AFG1L: variants seen among roughly 807,000 people sequenced by gnomAD.
AFG1L encodes AFG1 like ATPase.
AFG1L carries 53 observed loss-of-function variants against 62.2 expected under a neutral mutation model. That is an observed-to-expected ratio of 0.85 (90% CI 0.68 to 1.07). The LOEUF (loss-of-function observed/expected upper bound fraction) is 1.07. Among genes scored for constraint, AFG1L ranks in the 50% least tolerant of loss-of-function variants. The pLI is 0.00. For missense variants in AFG1L, 555 were observed against 590.5 expected, an observed-to-expected ratio of 0.94 and a Z score of 0.62; for synonymous variants, 228 against 210.3, an observed-to-expected ratio of 1.08 and a Z score of -0.73.
intron 4 of AFG1L, among the ~76,000 whole-genome samples, chr6:108,356,234 T>C (rs1211287190): frequency 2.6e-5 from 4 of 152,190 alleles, no homozygotes; most frequent in South Asian, 4.1e-4. Context: ...CCTCTAATAC[T>C]TGTAGCATTT....
chr6:108,510,512 T>A (rs926504922), intron 11 of AFG1L, among the ~76,000 whole-genome samples, 160 bp downstream of exon 11: 29 of 152,196 alleles, frequency 1.9e-4, no homozygotes, highest in African/African-American at 7.0e-4. Context: ...ATTATTTACT[T>A]CTGAGGGTTG....
intron 2 of AFG1L, among the ~76,000 whole-genome samples, chr6:108,325,438 C>CTTT (rs60856309): frequency 3.5e-5 from 5 of 144,016 alleles, no homozygotes; most frequent in Non-Finnish European, 4.5e-5. Flanking sequence ...GCTGTTTTGC[C>CTTT]TTTTTTTTTT....
intron 1 of AFG1L, among the ~76,000 whole-genome samples, chr6:108,302,932 TC>T (rs922735870): frequency 6.7e-6 from 1 of 150,142 alleles, no homozygotes; most frequent in Admixed American, 6.6e-5. Context: ...TGTCAATAGC[TC>T]AAAAAAAAAA....
intron 1 of AFG1L, among the ~76,000 whole-genome samples, chr6:108,303,650 C>G (rs1777093629): frequency 6.6e-6 from 1 of 152,160 alleles, no homozygotes; most frequent in Admixed American, 6.6e-5. Context: ...TCTATCCATA[C>G]TCTTGACCAG....
chr6:108,323,506 C>T (rs1331597632), intron 1 of AFG1L, among the ~76,000 whole-genome samples: 2 of 152,042 alleles, frequency 1.3e-5, no homozygotes, highest in African/African-American at 4.8e-5. Flanking sequence ...GGATTACAAG[C>T]ATGCACCACC....
chr6:108,490,980 T>A (rs1351168514), intron 10 of AFG1L, among the ~76,000 whole-genome samples: 3 of 152,192 alleles, frequency 2.0e-5, no homozygotes, highest in Non-Finnish European at 4.4e-5. Context: ...CTCTTTTGCC[T>A]CCTGTTTAAC....
chr6:108,408,109 G>A (rs1019681738), intron 7 of AFG1L, among the ~76,000 whole-genome samples: 1 of 148,774 alleles, frequency 6.7e-6, no homozygotes, highest in African/African-American at 2.5e-5. Context: ...TGCAGATCAG[G>A]TTGATCTTTT....
intron 10 of AFG1L, among the ~76,000 whole-genome samples, chr6:108,503,073 TC>T (rs1307919261): frequency 1.3e-5 from 2 of 152,190 alleles, no homozygotes; most frequent in African/African-American, 4.8e-5. Flanking sequence ...TCTTGCCATA[TC>T]TCTCTACCAC....
intron 7 of AFG1L, among the ~76,000 whole-genome samples, chr6:108,414,922 G>A (rs570135465): frequency 3.9e-5 from 6 of 152,164 alleles, no homozygotes; most frequent in Non-Finnish European, 8.8e-5. Flanking sequence ...TCTGGCCAGG[G>A]CAATCAGGCA....
At chr6:108,307,754 G>A (rs1388006074) in intron 1 of AFG1L, among the ~76,000 whole-genome samples, 2 of 152,112 alleles carry the variant, frequency 1.3e-5, no homozygotes, top group Non-Finnish European at 2.9e-5. Flanking sequence ...AGTAGACAAG[G>A]CCAGTTTTCT....
intron 6 of AFG1L, among the ~76,000 whole-genome samples, chr6:108,393,750 A>G (rs1019349735): frequency 2.6e-5 from 4 of 152,208 alleles, no homozygotes; most frequent in African/African-American, 7.2e-5. Context: ...TCATTAGTGT[A>G]GTATCTTAGT....
intron 3 of AFG1L, 123 bp from the exon 4 acceptor site, chr6:108,355,531 G>A (rs1779239067): frequency 2.0e-6 from 1 of 490,098 alleles, no homozygotes; most frequent in Non-Finnish European, 3.5e-6. Flanking sequence ...CTAAAGAAGT[G>A]ACATAGTCTT....
chr6:108,300,120 G>T (rs570425634), intron 1 of AFG1L, among the ~76,000 whole-genome samples: 14 of 150,870 alleles, frequency 9.3e-5, no homozygotes, highest in African/African-American at 3.4e-4. Context: ...AATCTCTTTA[G>T]TATACATACA....
chr6:108,359,267 C>A lies in AFG1L; in HGVS notation c.648+2447C>A, dbSNP rs937770630. 2.0e-5 allele frequency: 3 copies of A among 151,934 alleles called. No individual in the cohort carries two copies. In the East Asian group the frequency reaches 5.8e-4, roughly 29 times the overall value. The allele number at this position is 151,934 out of a possible 1,614,324, so 9.4% of individuals were successfully genotyped here. On this transcript the variant is annotated intron_variant, in intron 5 of 12. Transcript: ENST00000368977. ...GACATACGCCATTGGGTTTAGATTTCGAAAGGTTGATATATAACTAGAAAG... is the reference window on the plus strand; with the variant it reads ...GACATACGCCATTGGGTTTAGATTTAGAAAGGTTGATATATAACTAGAAAG...
intron 2 of AFG1L, among the ~76,000 whole-genome samples, chr6:108,329,583 G>T (rs1452658793): frequency 6.6e-6 from 1 of 152,164 alleles, no homozygotes; most frequent in African/African-American, 2.4e-5. Flanking sequence ...ACAGATGTGA[G>T]CCACTGCGCC....
chr6:108,327,697 C>G (rs1363757709), intron 2 of AFG1L, among the ~76,000 whole-genome samples: 6 of 152,196 alleles, frequency 3.9e-5, no homozygotes, highest in Non-Finnish European at 8.8e-5. Context: ...TGGGGTGATG[C>G]AAGCATTGAG....
Position 108,401,981 on chromosome 6 carries a change from A to G in AFG1L, c.749-15A>G, listed in dbSNP as rs570205087. 17 of 1,310,124 alleles carry G rather than the reference A, an allele frequency of 1.3e-5. No individual in the cohort carries two copies. In the South Asian group the frequency reaches 2.3e-4, roughly 18 times the overall value. The allele number at this position is 1,310,124 out of a possible 1,614,324, so 81.2% of individuals were successfully genotyped here. On this transcript the variant is annotated splice_polypyrimidine_tract_variant and intron_variant, in intron 6 of 12. Coordinates refer to ENST00000368977, the MANE Select transcript of AFG1L (RefSeq NM_145315.5). ...TTAGGCTAAGCAAAAAACTAATATC[A>G]TTTTTTTCTTTCAGATCTCTATAAA... is the stretch of plus-strand genomic sequence containing the variant.
intron 1 of AFG1L, among the ~76,000 whole-genome samples, chr6:108,307,304 A>G (rs1348183066): frequency 6.6e-6 from 1 of 152,202 alleles, no homozygotes; most frequent in Non-Finnish European, 1.5e-5. Context: ...GAGCCACCGC[A>G]TACGGCCTAA....
chr6:108,430,094 C>T (rs1771004572), intron 7 of AFG1L, among the ~76,000 whole-genome samples: 2 of 151,988 alleles, frequency 1.3e-5, no homozygotes, highest in African/African-American at 2.4e-5. Context: ...ATTACAGGTA[C>T]CCGCCACAAC....
Sources: gnomAD v4.1 joint callset for allele counts (sites outside exome capture counted in the v4.1 genomes callset) on GRCh38, gnomAD v4.1.1 for gene constraint, MANE v1.5 for transcripts, NCBI Gene and HGNC (gene_info 2026-07-23, HGNC 2026-07-21) for gene names.